The following INTS9 variants were observed in gnomAD, a reference collection of about 807,000 sequenced individuals.
INTS9 encodes the protein protein related to CPSF subunits of 74 kDa.
INTS9 carries 55 observed loss-of-function variants against 79.7 expected under a neutral mutation model. The observed-to-expected ratio is 0.69, with a 90% CI of 0.56 to 0.86. INTS9 has a LOEUF of 0.86. Ranked by LOEUF, INTS9 falls within the 40% of genes least tolerant of loss-of-function variation. The pLI, the probability that INTS9 is intolerant of heterozygous loss-of-function variation, is 0.00. For missense variants in INTS9, 721 were observed against 831.5 expected, an observed-to-expected ratio of 0.87 and a Z score of 1.64; for synonymous variants, 319 against 325.2, an observed-to-expected ratio of 0.98 and a Z score of 0.20.
At chr8:28,852,661 T>A (rs546550128) in intron 2 of INTS9, among the ~76,000 whole-genome samples, 74 of 152,326 alleles carry the variant, frequency 4.9e-4, no homozygotes, top group African/African-American at 1.7e-3. Context: ...ACAAATCAGA[T>A]GACAGATGCA....
At chr8:28,869,085 CTTCT>C (rs957988359) in intron 1 of INTS9, among the ~76,000 whole-genome samples, 28 of 151,534 alleles carry the variant, frequency 1.8e-4, no homozygotes, top group African/African-American at 6.3e-4. Flanking sequence ...CAGAATGAGA[CTTCT>C]GTCTCAAAAA....
chr8:28,806,610 T>C (rs1171259364), intron 8 of INTS9, among the ~76,000 whole-genome samples: 4 of 152,210 alleles, frequency 2.6e-5, no homozygotes, highest in African/African-American at 9.6e-5. Context: ...CAAAAATAGA[T>C]TGTGCTTCAA....
chr8:28,882,651 C>A (rs941955782), intron 1 of INTS9, among the ~76,000 whole-genome samples: 1 of 151,430 alleles, frequency 6.6e-6, no homozygotes, highest in Non-Finnish European at 1.5e-5. Flanking sequence ...TATTATACAC[C>A]TCCCCCACCT....
At chr8:28,819,056 A>C (rs1237207556) in intron 6 of INTS9, among the ~76,000 whole-genome samples, 2 of 151,912 alleles carry the variant, frequency 1.3e-5, no homozygotes, top group African/African-American at 4.8e-5. Context: ...CTTCTTTATT[A>C]GTCTTGCTAG....
intron 8 of INTS9, among the ~76,000 whole-genome samples, chr8:28,799,201 CAGG>C (rs1476892179): frequency 1.2e-4 from 18 of 152,272 alleles, no homozygotes; most frequent in African/African-American, 4.3e-4. Context: ...GAGGCTGAAG[CAGG>C]AGAATTGTTT....
rs1026582166 is a variant in INTS9 at position 28,828,351 on chromosome 8, A to C, written c.488+6941T>G. ...CTAGTTAACAAAAGCAGATTATGTA[A>C]GCCACGTATCTTATTAAAAGAGACA... is the stretch of plus-strand genomic sequence containing the variant. On this transcript the variant is annotated intron_variant, in intron 6 of 16. Transcript: ENST00000521022. Among the ~76,000 whole-genome samples the C allele has an allele frequency of 1.5e-3, 228 of 152,372 alleles. 1 individual carries two copies. Among genetic ancestry groups the C allele is most frequent in the African/African-American group, 5.2e-3 (216 of 41,590 alleles).
intron 5 of INTS9, among the ~76,000 whole-genome samples, chr8:28,837,399 T>C (rs747944148): frequency 2.0e-5 from 3 of 152,222 alleles, no homozygotes; most frequent in Non-Finnish European, 4.4e-5. Context: ...GCCGTCTCCA[T>C]GAACTCCTTC....
chr8:28,814,273 A>G (rs1486044441), intron 6 of INTS9, among the ~76,000 whole-genome samples: 1 of 142,416 alleles, frequency 7.0e-6, no homozygotes, highest in Non-Finnish European at 1.5e-5. Context: ...AACAACACTG[A>G]ACAGGGCTTC....
At chr8:28,769,094 C>T (rs756058545) in intron 16 of INTS9, among the ~76,000 whole-genome samples, 8 of 152,170 alleles carry the variant, frequency 5.3e-5, no homozygotes, top group Non-Finnish European at 1.0e-4. Flanking sequence ...CCGCAACCAC[C>T]CAGCCAGAGC....
chr8:28,852,866 C>G (rs1043408240), intron 2 of INTS9, among the ~76,000 whole-genome samples: 1 of 152,154 alleles, frequency 6.6e-6, no homozygotes, highest in Non-Finnish European at 1.5e-5. Context: ...ACTGAATGCT[C>G]AAAGGAAATC....
intron 1 of INTS9, among the ~76,000 whole-genome samples, chr8:28,865,945 A>AT (rs372809917): frequency 0.035 from 5,010 of 143,218 alleles, 91 homozygotes; most frequent in Middle Eastern, 0.061. Flanking sequence ...CTAAATTATC[A>AT]TTTTTTTTTT....
intron 6 of INTS9, chr8:28,813,850 T>G (rs1014743883): frequency 2.7e-6 from 1 of 371,778 alleles, no homozygotes; most frequent in African/African-American, 2.1e-5. Flanking sequence ...AACCTCCACC[T>G]CCCGGGTTCA....
chr8:28,793,882 A>G lies in INTS9; in HGVS notation c.962T>C (p.Leu321Pro). ...CLYQYIDSAG[L>P]SSVPLYFISP... ...GATGAAGTAGAGGGGGACGCTGGAAAGCCCGGCTGAGTCGATGTACTGATA... is the reference window on the plus strand; with the variant it reads ...GATGAAGTAGAGGGGGACGCTGGAAGGCCCGGCTGAGTCGATGTACTGATA... Residue 321 changes from leucine (L) to proline (P), a missense_variant, in exon 10 of 17, where the codon CTT becomes CCT. By Grantham distance (98) the Leu-to-Pro change is moderately conservative. Coordinates refer to ENST00000521022, the MANE Select transcript of INTS9 (RefSeq NM_018250.4). 2 of 1,614,124 alleles carry G rather than the reference A, an allele frequency of 1.2e-6. No homozygotes were observed. The highest frequency in any genetic ancestry group is 1.7e-6 in the Non-Finnish European group (2 of 1,179,986).
At chr8:28,805,555 A>G (rs552277924) in intron 8 of INTS9, among the ~76,000 whole-genome samples, 30 of 152,292 alleles carry the variant, frequency 2.0e-4, no homozygotes, top group African/African-American at 7.2e-4. Context: ...AGTAAGGAAT[A>G]TATTCACCAC....
chr8:28,885,197 T>C (rs1226511167), intron 1 of INTS9, among the ~76,000 whole-genome samples: 1 of 152,236 alleles, frequency 6.6e-6, no homozygotes, highest in African/African-American at 2.4e-5. Context: ...CAAAGACCAC[T>C]GAAGAATGTA....
Position 28,769,951 on chromosome 8 carries a change from C to A in INTS9, c.1738G>T (p.Val580Phe). The A allele has an allele frequency of 1.2e-6, 2 of 1,614,256 alleles. No individual in the cohort carries two copies. The highest frequency in any genetic ancestry group is 1.7e-6 in the Non-Finnish European group (2 of 1,180,036). Residue 580 changes from valine to phenylalanine, a missense_variant, in exon 16 of 17, where the codon GTC (valine) becomes TTC (phenylalanine). Transcript: ENST00000521022. Reference protein sequence around the residue: ...RVSDDVPDCKVLKPLLSGSIP... With the variant: ...RVSDDVPDCKFLKPLLSGSIP... ...GAACCGCTCAACAAAGGCTTCAGGA[C>A]TTTGCAGTCTGGTACGTCATCGCTC... is the stretch of plus-strand genomic sequence containing the variant.
chr8:28,863,224 C>T (rs1039027298), intron 1 of INTS9, among the ~76,000 whole-genome samples: 8 of 152,174 alleles, frequency 5.3e-5, no homozygotes, highest in African/African-American at 1.9e-4. Context: ...GTCTGCTCTT[C>T]AGGAAGATAG....
At chr8:28,825,291 C>T (rs761206904) in intron 6 of INTS9, among the ~76,000 whole-genome samples, 6 of 152,150 alleles carry the variant, frequency 3.9e-5, no homozygotes, top group South Asian at 2.1e-4. Context: ...GAGCAGGGAC[C>T]GTGATGGATA....
rs767437091 is a variant in INTS9 at position 28,771,046 on chromosome 8, G to C, written c.1598C>G (p.Pro533Arg). 10 of 1,612,910 alleles carry C rather than the reference G, an allele frequency of 6.2e-6. No homozygotes were observed. The highest frequency in any genetic ancestry group is 8.5e-6 in the Non-Finnish European group (10 of 1,179,574). The change falls in exon 15 of 17, where the codon CCT becomes CGT. Residue 533 changes from proline to arginine, a missense_variant. Pro to Arg is a moderately radical substitution (Grantham distance 103). Around this residue, in one of 3 missense-constraint regions of INTS9, gnomAD observed 281 missense variants for 300.8 expected, o/e 0.93. Transcript: ENST00000521022. Reference protein sequence around the residue: ...ADSLVPMEIKPGISLATVSAV... With the variant: ...ADSLVPMEIKRGISLATVSAV... ...CGAGACAGTTGCCAAGGAGATGCCAGGCTTGATCTCCATGGGCACCAGTGA... is the reference window on the plus strand; with the variant it reads ...CGAGACAGTTGCCAAGGAGATGCCACGCTTGATCTCCATGGGCACCAGTGA...
Sources: allele counts gnomAD v4.1 joint callset (sites outside exome capture counted in the v4.1 genomes callset), GRCh38; gene constraint gnomAD v4.1.1; regional missense constraint gnomAD v4.1.1; transcripts MANE v1.5; gene names NCBI Gene and HGNC (gene_info 2026-07-23, HGNC 2026-07-21).